The following CHMP4B variants were observed in gnomAD, a reference collection of about 807,000 sequenced individuals.
CHMP4B encodes SNF7 homolog associated with Alix 1.
CHMP4B carries 1 observed loss-of-function variant against 25.1 expected under a neutral mutation model. The ratio of observed to expected loss-of-function variants is 0.04; its 90% CI spans 0.01 to 0.19. The LOEUF (loss-of-function observed/expected upper bound fraction) is 0.19. Among genes scored for constraint, CHMP4B ranks in the 10% least tolerant of loss-of-function variants. CHMP4B has a pLI of 1.00. For missense variants in CHMP4B, 151 were observed against 289.7 expected (o/e 0.52, Z 3.48); for synonymous variants, 101 against 115.6 (o/e 0.87, Z 0.81).
chr20:33,817,354 C>T (rs1468791151), intron 1 of CHMP4B, among the ~76,000 whole-genome samples: 1 of 152,234 alleles, frequency 6.6e-6, no homozygotes, highest in Non-Finnish European at 1.5e-5. Context: ...TATTTTGCCC[C>T]ATTTGGCAGG....
chr20:33,830,966 G>T (rs2747541), intron 1 of CHMP4B, among the ~76,000 whole-genome samples: 61,841 of 130,028 alleles, frequency 0.48, 15,073 homozygotes, highest in East Asian at 0.89. Flanking sequence ...TTTGAGACAG[G>T]GTCCTGCTCT....
intron 1 of CHMP4B, among the ~76,000 whole-genome samples, chr20:33,846,717 C>T (rs762893558): frequency 5.3e-5 from 8 of 152,286 alleles, no homozygotes; most frequent in Middle Eastern, 3.4e-3. Context: ...ACCACAGCCT[C>T]ATGGGGGAGG....
chr20:33,821,078 T>C lies in CHMP4B; in HGVS notation c.190+9420T>C, dbSNP rs1978926403. Among the ~76,000 whole-genome samples, 3 of 152,194 alleles carry C rather than the reference T, an allele frequency of 2.0e-5. No individual in the cohort carries two copies. In the South Asian group the frequency reaches 6.2e-4, roughly 31 times the overall value. On this transcript the variant is annotated intron_variant, in intron 1 of 4. Transcript: ENST00000217402. ...AGCAGTGGATTCTCTACTGTCTGCATAAGCAATCATTATAAATTCCTGGTT... is the reference window on the plus strand; with the variant it reads ...AGCAGTGGATTCTCTACTGTCTGCACAAGCAATCATTATAAATTCCTGGTT...
chr20:33,824,198 C>T (rs1306167581), intron 1 of CHMP4B, among the ~76,000 whole-genome samples: 2 of 152,154 alleles, frequency 1.3e-5, no homozygotes, highest in Non-Finnish European at 2.9e-5. Flanking sequence ...TTTTTAGCCC[C>T]ATTTTTTCCC....
chr20:33,811,504 G>A lies in CHMP4B; in HGVS notation c.36G>A (p.Gly12=), dbSNP rs888590663. The A allele has an allele frequency of 1.0e-5, 16 of 1,597,362 alleles. No individual in the cohort carries two copies. The highest frequency in any genetic ancestry group is 5.3e-5 in the Admixed American group (3 of 56,918). The change falls in exon 1 of 5, where the codon GGG becomes GGA. Residue 12 remains glycine (G), a synonymous_variant. Coordinates refer to ENST00000217402, the MANE Select transcript of CHMP4B (RefSeq NM_176812.5). ...SVFGKLFGAG[G]GKAGKGGPTP... is the part of the protein sequence containing the mutation. Reference sequence around the variant, plus strand: ...TCGGGAAGCTGTTCGGGGCTGGAGGGGGTAAGGCCGGCAAGGGCGGCCCGA... The same window carrying A: ...TCGGGAAGCTGTTCGGGGCTGGAGGAGGTAAGGCCGGCAAGGGCGGCCCGA...
At chr20:33,844,195 T>G (rs1979618868) in intron 1 of CHMP4B, among the ~76,000 whole-genome samples, 1 of 152,200 alleles carries the variant, frequency 6.6e-6, no homozygotes, top group Non-Finnish European at 1.5e-5. Flanking sequence ...AGGAATGCAG[T>G]GGAAAGATGC....
At chr20:33,815,583 G>T (rs146348374) in intron 1 of CHMP4B, among the ~76,000 whole-genome samples, 59 of 152,264 alleles carry the variant, frequency 3.9e-4, no homozygotes, top group African/African-American at 1.3e-3. Flanking sequence ...TTGGAAAACC[G>T]CTCAGCATCC....
intron 2 of CHMP4B, among the ~76,000 whole-genome samples, chr20:33,850,568 G>A (rs541525094): frequency 6.6e-6 from 1 of 152,172 alleles, no homozygotes; most frequent in East Asian, 1.9e-4. Context: ...AGACAGCATG[G>A]CTGTCTTCTG....
intron 1 of CHMP4B, among the ~76,000 whole-genome samples, chr20:33,832,736 C>A (rs932492929): frequency 6.6e-5 from 10 of 151,374 alleles, no homozygotes; most frequent in African/African-American, 1.9e-4. Context: ...AATTAGGTTA[C>A]CTTTGAATCC....
At chr20:33,832,387 C>T (rs945107773) in intron 1 of CHMP4B, among the ~76,000 whole-genome samples, 6 of 152,148 alleles carry the variant, frequency 3.9e-5, no homozygotes, top group South Asian at 4.1e-4. Context: ...TGGGACCTGG[C>T]GGGTGGGGGA....
chr20:33,853,142 T>C (rs1226697410), intron 4 of CHMP4B, among the ~76,000 whole-genome samples: 2 of 151,528 alleles, frequency 1.3e-5, no homozygotes, highest in African/African-American at 4.9e-5. Flanking sequence ...TGAGGTGGAG[T>C]TGGGGGTTGG....
rs1979911626 is a variant in CHMP4B at position 33,853,487 on chromosome 20, T to G, written c.611-9T>G. On this transcript the variant is annotated splice_polypyrimidine_tract_variant and intron_variant, in intron 4 of 4. Coordinates refer to ENST00000217402, the MANE Select transcript of CHMP4B (RefSeq NM_176812.5). ...GTCATCCTAAATAGCCTTTTCTGTC[T>G]TCACACAGCCAAGAAGAAAGAAGAG... The G allele has an allele frequency of 1.2e-6, 2 of 1,613,602 alleles. No homozygotes were observed. Among genetic ancestry groups the G allele is most frequent in the South Asian group, 1.1e-5 (1 of 91,070 alleles).
intron 1 of CHMP4B, among the ~76,000 whole-genome samples, chr20:33,842,824 C>T (rs973257615): frequency 5.3e-5 from 8 of 152,122 alleles, no homozygotes; most frequent in African/African-American, 1.9e-4. Context: ...ATTATTGGGC[C>T]CTCCTTCCCT....
At position 33,853,602 on chromosome 20, in the gene CHMP4B, CTG is replaced by C. The variant is rs1979917769; in HGVS notation, c.*43_*44del. ...CTGGGCCCAGACAGACTGTGGTGGC[CTG>C]CGCAGCGAGCAGGCGTGTGCGTGTG... is the stretch of plus-strand genomic sequence containing the variant. On this transcript the variant is annotated 3_prime_UTR_variant, in exon 5 of 5. Transcript: ENST00000217402. 1 of 1,579,208 alleles carries C rather than the reference CTG, an allele frequency of 6.3e-7. No homozygotes were observed. The highest frequency in any genetic ancestry group is 1.7e-5 in the Admixed American group (1 of 59,922).
At chr20:33,830,979 C>T (rs1462459044) in intron 1 of CHMP4B, among the ~76,000 whole-genome samples, 5 of 122,844 alleles carry the variant, frequency 4.1e-5, no homozygotes, top group Non-Finnish European at 8.1e-5. Context: ...CCTGCTCTGT[C>T]ACTCAGGCTG....
intron 1 of CHMP4B, among the ~76,000 whole-genome samples, chr20:33,820,619 C>T (rs1403637004): frequency 1.3e-5 from 2 of 151,922 alleles, no homozygotes; most frequent in Admixed American, 1.3e-4. Flanking sequence ...GTTCTAGAAG[C>T]ATACTTAGGA....
intron 1 of CHMP4B, among the ~76,000 whole-genome samples, chr20:33,817,619 G>A (rs189629267): frequency 6.0e-4 from 91 of 152,330 alleles, no homozygotes; most frequent in Admixed American, 1.4e-3. Context: ...GTGGTCCAGA[G>A]CCTTGACATG....
chr20:33,830,942 T>C (rs1979227315), intron 1 of CHMP4B, among the ~76,000 whole-genome samples: 1 of 142,524 alleles, frequency 7.0e-6, no homozygotes, highest in African/African-American at 2.6e-5. Context: ...AGTTTTTTTT[T>C]TTTTTTTAGT....
intron 1 of CHMP4B, among the ~76,000 whole-genome samples, chr20:33,847,375 G>T (rs1979714811): frequency 6.6e-6 from 1 of 151,916 alleles, no homozygotes; most frequent in South Asian, 2.1e-4. Context: ...AGTATATTTT[G>T]GGGGTGGTAT....
Sources: gnomAD v4.1 joint callset for allele counts (sites outside exome capture counted in the v4.1 genomes callset) on GRCh38, gnomAD v4.1.1 for gene constraint, MANE v1.5 for transcripts, NCBI Gene and HGNC (gene_info 2026-07-23, HGNC 2026-07-21) for gene names.